ZNF292: variants seen among roughly 807,000 people sequenced by gnomAD.
ZNF292 encodes 16 zinc-finger domain protein.
In ZNF292, 26 loss-of-function variants were observed where a neutral mutation model predicts 217.9. That is an observed-to-expected ratio of 0.12 (90% CI 0.09 to 0.17). ZNF292 has a LOEUF of 0.17. Among genes scored for constraint, ZNF292 ranks in the 10% least tolerant of loss-of-function variants. The pLI, the probability that ZNF292 is intolerant of heterozygous loss-of-function variation, is 1.00. For synonymous variants in ZNF292, 1,257 were observed against 1,124.1 expected, an observed-to-expected ratio of 1.12 and a Z score of -2.37; for missense variants, 2,904 against 3,175.2, an observed-to-expected ratio of 0.91 and a Z score of 2.05.
rs544323675 is a variant in ZNF292, at chr6:87,255,427, C to T, written c.1798C>T (p.Leu600=). The part of the protein sequence containing the change: ...LHVKQSSKER[L]AAMKPLRRLG... ...TGTTAAACAATCTAGTAAAGAGAGA[C>T]TAGCAGCTATGAAACCATTAAGAAG... The change falls in exon 8 of 8, where the codon CTA becomes TTA. Residue 600 remains leucine, a synonymous_variant. Coordinates refer to ENST00000369577, the MANE Select transcript of ZNF292 (RefSeq NM_015021.3). The T allele has an allele frequency of 3.1e-6, 5 of 1,613,736 alleles. No homozygotes were observed. In the South Asian group the frequency reaches 5.5e-5, roughly 18 times the overall value.
chr6:87,155,818 C>G (rs1485832505), intron 1 of ZNF292, 59 bp downstream of exon 1: 15 of 1,484,694 alleles, frequency 1.0e-5, no homozygotes, highest in Non-Finnish European at 8.9e-7. Flanking sequence ...AGAGGGCGAG[C>G]GAGCGCTAGG....
intron 5 of ZNF292, among the ~76,000 whole-genome samples, chr6:87,241,859 T>C (rs1251641332): frequency 6.6e-6 from 1 of 152,240 alleles, no homozygotes; most frequent in Non-Finnish European, 1.5e-5. Flanking sequence ...GCGAAAGTGG[T>C]ACACATTCAG....
rs60486090 is a variant in ZNF292 at position 87,250,023 on chromosome 6, T to TAAAAAA, written c.1020+4387_1020+4392dup. On this transcript the variant is annotated intron_variant, in intron 7 of 7. Transcript: ENST00000369577. Reference sequence around the variant, plus strand: ...CTGTACCCAGCCAACTGGTAACCCTTAAAAAAAAAAAAACAAAAAAAAAAA... The same window carrying TAAAAAA: ...CTGTACCCAGCCAACTGGTAACCCTTAAAAAAAAAAAAAAAAAAACAAAAAAAAAAA... Among the ~76,000 whole-genome samples the TAAAAAA allele has an allele frequency of 1.7e-4, 17 of 99,238 alleles. 1 individual carries two copies. Among genetic ancestry groups the TAAAAAA allele is most frequent in the African/African-American group, 3.6e-4 (9 of 24,828 alleles). The allele number at this position is 99,238 out of a possible 152,430, so 65.1% of individuals were successfully genotyped here.
intron 1 of ZNF292, among the ~76,000 whole-genome samples, chr6:87,172,356 T>A (rs1486174762): frequency 6.6e-6 from 1 of 152,052 alleles, no homozygotes; most frequent in African/African-American, 2.4e-5. Flanking sequence ...AATGGACAAG[T>A]AACAAAAGAA....
intron 1 of ZNF292, among the ~76,000 whole-genome samples, chr6:87,184,575 G>A (rs1398203463): frequency 6.7e-6 from 1 of 149,370 alleles, no homozygotes. Flanking sequence ...TACTAGGTCT[G>A]TATTAGGGTT....
At chr6:87,206,564 C>A (rs1168025944) in intron 1 of ZNF292, among the ~76,000 whole-genome samples, 1 of 152,188 alleles carries the variant, frequency 6.6e-6, no homozygotes, top group Admixed American at 6.5e-5. Context: ...TGTATACTCA[C>A]AACACAATCA....
intron 5 of ZNF292, among the ~76,000 whole-genome samples, chr6:87,241,364 T>A (rs1227022192): frequency 4.0e-5 from 6 of 151,894 alleles, no homozygotes; most frequent in Non-Finnish European, 5.9e-5. Context: ...ACAGGGTAAT[T>A]GTTTAACGTA....
intron 5 of ZNF292, among the ~76,000 whole-genome samples, chr6:87,234,739 G>A (rs2127826077): frequency 6.6e-6 from 1 of 152,218 alleles, no homozygotes; most frequent in Non-Finnish European, 1.5e-5. Context: ...GAAAAATTGA[G>A]ATATAAGACA....
At chr6:87,188,131 A>G (rs892082355) in intron 1 of ZNF292, among the ~76,000 whole-genome samples, 73 of 152,350 alleles carry the variant, frequency 4.8e-4, no homozygotes, top group African/African-American at 1.7e-3. Context: ...ATTCTTAGAT[A>G]TTTTGAGCAT....
At chr6:87,197,423 T>G (rs1409065953) in intron 1 of ZNF292, among the ~76,000 whole-genome samples, 2 of 23,856 alleles carry the variant, frequency 8.4e-5, no homozygotes, top group East Asian at 1.2e-3. Context: ...ACATTTGGGT[T>G]TTTTTTTTTT....
At chr6:87,254,609 A>T (rs779206580) in intron 7 of ZNF292, 41 bp from the exon 8 acceptor site, 1 of 1,485,204 alleles carries the variant, frequency 6.7e-7, no homozygotes, top group South Asian at 1.3e-5. Context: ...AGTGTTGATT[A>T]GTGTAGATTA....
chr6:87,184,778 C>T (rs1771589462), intron 1 of ZNF292, among the ~76,000 whole-genome samples: 2 of 152,158 alleles, frequency 1.3e-5, no homozygotes, highest in Admixed American at 1.3e-4. Flanking sequence ...TGGTGTAACT[C>T]TCAGTGGGAG....
In ZNF292 at chr6:87,261,070, A is replaced by G; in HGVS notation, c.7441A>G (p.Met2481Val). The G allele has an allele frequency of 1.9e-6, 3 of 1,607,458 alleles. No individual in the cohort carries two copies. Among genetic ancestry groups the G allele is most frequent in the Non-Finnish European group, 2.5e-6 (3 of 1,176,704 alleles). ...AGTTGAAAAAAATGAAAAAGATGAA[A>G]TGGATGAACTAACAGAATTGTTTAT... is the stretch of plus-strand genomic sequence containing the variant. ...KEVEKNEKDEMDELTELFITK... is the reference protein window; with the variant it reads ...KEVEKNEKDEVDELTELFITK... Residue 2481 changes from methionine (M) to valine (V), a missense_variant, in exon 8 of 8, where the codon ATG becomes GTG. Around this residue, in one of 15 missense-constraint regions of ZNF292, gnomAD observed 380 missense variants for 355.3 expected, o/e 1.07. Transcript: ENST00000369577.
At position 87,253,210 on chromosome 6, in the gene ZNF292, C is replaced by T. The variant is rs561875546; in HGVS notation, c.1021-1440C>T. Among the ~76,000 whole-genome samples the T allele has an allele frequency of 8.4e-5, 12 of 142,484 alleles. No individual in the cohort carries two copies. In the South Asian group the frequency reaches 2.7e-3, roughly 32 times the overall value. The allele number at this position is 142,484 out of a possible 152,430, so 93.5% of individuals were successfully genotyped here. A position where few individuals can be genotyped will look rare whatever the true frequency, so the allele number is the denominator to read the frequency against. ...ATTACACGCATAAACCATGAGCCAC[C>T]ATGCCCAGCCTTTTTTTTTTTTTTT... On this transcript the variant is annotated intron_variant, in intron 7 of 7. Transcript: ENST00000369577.
intron 1 of ZNF292, among the ~76,000 whole-genome samples, chr6:87,158,715 A>T (rs1037735079): frequency 2.0e-5 from 3 of 152,208 alleles, no homozygotes. Context: ...TATCTTAGCA[A>T]TTATCACCTA....
intron 1 of ZNF292, among the ~76,000 whole-genome samples, chr6:87,177,156 C>T (rs1039806693): frequency 6.6e-6 from 1 of 152,004 alleles, no homozygotes; most frequent in Admixed American, 6.6e-5. Flanking sequence ...GGTGAAAACC[C>T]GTCTTTACTA....
At chr6:87,252,056 T>G (rs73754160) in intron 7 of ZNF292, among the ~76,000 whole-genome samples, 2 of 152,192 alleles carry the variant, frequency 1.3e-5, no homozygotes, top group Non-Finnish European at 1.5e-5. Context: ...AATATTCATA[T>G]GATATAAAAT....
At chr6:87,164,297 A>G (rs1035283827) in intron 1 of ZNF292, among the ~76,000 whole-genome samples, 1 of 152,162 alleles carries the variant, frequency 6.6e-6, no homozygotes, top group Admixed American at 6.5e-5. Context: ...TTCTCTAGTA[A>G]GGTAGTCTGG....
chr6:87,176,184 C>G (rs1235833815), intron 1 of ZNF292, among the ~76,000 whole-genome samples: 2 of 152,064 alleles, frequency 1.3e-5, no homozygotes. Flanking sequence ...GAAAATAACA[C>G]AAATTTATTT....
Sources: gnomAD v4.1 joint callset for allele counts (sites outside exome capture counted in the v4.1 genomes callset) on GRCh38, gnomAD v4.1.1 for gene constraint, gnomAD v4.1.1 regional missense constraint, MANE v1.5 for transcripts, NCBI Gene and HGNC (gene_info 2026-07-23, HGNC 2026-07-21) for gene names.